LYZL2: variants seen among roughly 807,000 people sequenced by gnomAD.
The protein encoded by LYZL2 is lysozyme like 2, also known as lysozyme-like protein 2.
Under a neutral mutation model 17.1 loss-of-function variants are expected in LYZL2, and 13 were observed. The ratio of observed to expected loss-of-function variants is 0.76; its 90% CI spans 0.49 to 1.21. LYZL2 has a LOEUF of 1.21. Among genes scored for constraint, LYZL2 ranks in the 50% most tolerant of loss-of-function variants. LYZL2 has a pLI of 0.00. For missense variants in LYZL2, 166 were observed against 189.2 expected, an observed-to-expected ratio of 0.88 and a Z score of 0.72; for synonymous variants, 63 against 74.4, an observed-to-expected ratio of 0.85 and a Z score of 0.79.
At chr10:30,628,016 C>T (rs752902502) in intron 1 of LYZL2, among the ~76,000 whole-genome samples, 5 of 152,034 alleles carry the variant, frequency 3.3e-5, no homozygotes, top group Non-Finnish European at 7.4e-5. Flanking sequence ...AAAAATTAGC[C>T]GGGTGTGGTG....
At chr10:30,623,650 C>T (rs973884504) in intron 3 of LYZL2, among the ~76,000 whole-genome samples, 8 of 152,268 alleles carry the variant, frequency 5.3e-5, no homozygotes, top group East Asian at 1.9e-4. Flanking sequence ...CCTGATGATC[C>T]GTCACTGTCT....
chr10:30,626,086 T>C lies in LYZL2; in HGVS notation c.298+19A>G. 4 of 1,608,418 alleles carry C rather than the reference T, an allele frequency of 2.5e-6. No homozygotes were observed. Among genetic ancestry groups the C allele is most frequent in the Non-Finnish European group, 3.4e-6 (4 of 1,176,356 alleles). ...CACCTGGTCCTGAGGATGGCATCACTGGAAAGTCAGAGCCTCACCTGAGCA... is the reference window on the plus strand; with the variant it reads ...CACCTGGTCCTGAGGATGGCATCACCGGAAAGTCAGAGCCTCACCTGAGCA... On this transcript the variant is annotated intron_variant, in intron 3 of 4. Coordinates refer to ENST00000647634, the MANE Select transcript of LYZL2 (RefSeq NM_183058.3).
chr10:30,627,770 C>G (rs1380101157), intron 1 of LYZL2, among the ~76,000 whole-genome samples: 1 of 152,104 alleles, frequency 6.6e-6, no homozygotes, highest in Non-Finnish European at 1.5e-5. Context: ...CACCCCGACC[C>G]CTACATTTGT....
intron 4 of LYZL2, among the ~76,000 whole-genome samples, chr10:30,612,313 C>T (rs1199137370): frequency 3.3e-5 from 5 of 152,230 alleles, no homozygotes; most frequent in African/African-American, 7.2e-5. Context: ...GTGGGGCCGG[C>T]TGGCAATGTT....
At chr10:30,625,640 C>T (rs1452871433) in intron 3 of LYZL2, among the ~76,000 whole-genome samples, 2 of 152,110 alleles carry the variant, frequency 1.3e-5, no homozygotes, top group African/African-American at 4.8e-5. Context: ...GCTATGAACG[C>T]ACCACTACAC....
At chr10:30,625,245 C>A (rs1292339888) in intron 3 of LYZL2, among the ~76,000 whole-genome samples, 2 of 152,178 alleles carry the variant, frequency 1.3e-5, no homozygotes, top group African/African-American at 4.8e-5. Context: ...TTTAGGGCAG[C>A]ATTAGAAACT....
Position 30,626,765 on chromosome 10 carries a change from A to G in LYZL2, c.139+12T>C. ...CAAGGACAGAAAGAGAGCAGGAAAGAAATAATCTCACAGTTTCCAAGGCTG... is the reference window on the plus strand; with the variant it reads ...CAAGGACAGAAAGAGAGCAGGAAAGGAATAATCTCACAGTTTCCAAGGCTG... On this transcript the variant is annotated intron_variant, in intron 2 of 4. Transcript: ENST00000647634. 1 of 1,614,250 alleles carries G rather than the reference A, an allele frequency of 6.2e-7. No homozygotes were observed. Among genetic ancestry groups the G allele is most frequent in the South Asian group, 1.1e-5 (1 of 91,086 alleles).
chr10:30,623,463 G>A (rs766134849), intron 3 of LYZL2, among the ~76,000 whole-genome samples: 1 of 152,162 alleles, frequency 6.6e-6, no homozygotes, highest in African/African-American at 2.4e-5. Flanking sequence ...GTGAGCAGCA[G>A]GTGAGTGAGT....
chr10:30,609,404 T>A (rs2132929034), downstream of LYZL2, among the ~76,000 whole-genome samples: 1 of 152,226 alleles, frequency 6.6e-6, no homozygotes, highest in East Asian at 1.9e-4. Context: ...CCTCCAAGTT[T>A]GGGAAAAACC....
At chr10:30,613,617 A>G (rs1838482444) in intron 3 of LYZL2, among the ~76,000 whole-genome samples, 1 of 151,902 alleles carries the variant, frequency 6.6e-6, no homozygotes, top group South Asian at 2.1e-4. Context: ...GTCATTTTTC[A>G]GTTTGTGTCT....
At chr10:30,626,999 C>T in intron 1 of LYZL2, 59 bp from the exon 2 acceptor site, 1 of 1,596,160 alleles carries the variant, frequency 6.3e-7, no homozygotes, top group Non-Finnish European at 8.5e-7. Context: ...CGAAATCCAG[C>T]ATCGGTGACT....
chr10:30,627,341 T>C (rs1381154227), intron 1 of LYZL2, among the ~76,000 whole-genome samples: 20 of 151,818 alleles, frequency 1.3e-4, no homozygotes, highest in African/African-American at 4.8e-4. Context: ...CGTGGGTCCA[T>C]TTATCCGTGA....
intron 3 of LYZL2, among the ~76,000 whole-genome samples, chr10:30,616,205 AT>A (rs1007331419): frequency 2.0e-5 from 3 of 148,814 alleles, no homozygotes; most frequent in South Asian, 2.1e-4. Context: ...GTAGTGATAG[AT>A]TTTTTTTAAG....
In LYZL2 at chr10:30,616,441, T is replaced by A. The variant is rs111612745; in HGVS notation, c.299-3541A>T. 3.9e-3 allele frequency among the ~76,000 whole-genome samples: 590 copies of A among 152,326 alleles called. 2 individuals carry two copies. Among genetic ancestry groups the A allele is most frequent in the African/African-American group, 0.012 (513 of 41,574 alleles). On this transcript the variant is annotated intron_variant, in intron 3 of 4. Transcript: ENST00000647634. ...GGCTCACGCCTATAATCCCAGCACT[T>A]TGGGAGGCTGAGGCGGGCAGATCGC...
downstream of LYZL2, among the ~76,000 whole-genome samples, chr10:30,608,686 C>T (rs1190168856): frequency 6.6e-6 from 1 of 152,114 alleles, no homozygotes; most frequent in African/African-American, 2.4e-5. Flanking sequence ...AGGTTACATT[C>T]CCCTATATCC....
chr10:30,609,170 T>C (rs956110628), downstream of LYZL2, among the ~76,000 whole-genome samples: 2 of 152,212 alleles, frequency 1.3e-5, no homozygotes, highest in African/African-American at 2.4e-5. Context: ...TTAACTATTA[T>C]GTGTTTAGCA....
At chr10:30,611,723 A>AAAGAAAGAAAGAAAG (rs1564406068), downstream of LYZL2, 2 of 111,870 alleles carry the variant, frequency 1.8e-5, no homozygotes, top group African/African-American at 1.4e-4. Context: ...AGAAAGAAAG[A>AAAGAAAGAAAGAAAG]AAAGAAAAGA....
At chr10:30,617,810 G>A (rs1281070612) in intron 3 of LYZL2, among the ~76,000 whole-genome samples, 2 of 151,916 alleles carry the variant, frequency 1.3e-5, no homozygotes, top group East Asian at 3.9e-4. Flanking sequence ...ACATAGTGTT[G>A]GAAGTTCTGG....
chr10:30,623,595 G>T (rs114721053), intron 3 of LYZL2, among the ~76,000 whole-genome samples: 1 of 152,094 alleles, frequency 6.6e-6, no homozygotes, highest in African/African-American at 2.4e-5. Context: ...TGTGAACTGC[G>T]CTTGCAAGGG....
Sources: gnomAD v4.1 joint callset for allele counts (sites outside exome capture counted in the v4.1 genomes callset) on GRCh38, gnomAD v4.1.1 for gene constraint, MANE v1.5 for transcripts, NCBI Gene and HGNC (gene_info 2026-07-23, HGNC 2026-07-21) for gene names.